The following CSMD1 variants were observed in gnomAD, a reference collection of about 807,000 sequenced individuals.
CSMD1 encodes CUB and sushi domain-containing protein 1.
A neutral mutation model predicts 417.5 loss-of-function variants in CSMD1; 213 were observed. The ratio of observed to expected loss-of-function variants is 0.51; its 90% CI spans 0.46 to 0.57. CSMD1 has a LOEUF of 0.57. Ranked by LOEUF, CSMD1 falls within the 20% of genes least tolerant of loss-of-function variation. The pLI, the probability that CSMD1 is intolerant of heterozygous loss-of-function variation, is 0.00. For missense variants in CSMD1, 6,923 were observed against 4,529.7 expected, an observed-to-expected ratio of 1.53 and a Z score of -15.17; for synonymous variants, 2,862 against 1,736.8, an observed-to-expected ratio of 1.65 and a Z score of -16.11.
chr8:4,523,775 T>A (rs913165090), intron 2 of CSMD1, among the ~76,000 whole-genome samples: 2 of 152,204 alleles, frequency 1.3e-5, no homozygotes, highest in South Asian at 4.1e-4. Context: ...ATAACATAAT[T>A]GTATGCAGAG....
At chr8:3,705,735 A>G (rs1801130859) in intron 7 of CSMD1, among the ~76,000 whole-genome samples, 2 of 152,106 alleles carry the variant, frequency 1.3e-5, no homozygotes, top group Non-Finnish European at 2.9e-5. Context: ...TCTGCAAGAG[A>G]GGTTTGTGTG....
intron 1 of CSMD1, among the ~76,000 whole-genome samples, chr8:4,754,914 G>A (rs1325375423): frequency 6.6e-6 from 1 of 151,922 alleles, no homozygotes; most frequent in African/African-American, 2.4e-5. Context: ...CAAGGTGGGT[G>A]GATCACAAGG....
At chr8:4,118,155 G>A (rs542160525) in intron 3 of CSMD1, among the ~76,000 whole-genome samples, 10 of 152,154 alleles carry the variant, frequency 6.6e-5, no homozygotes, top group African/African-American at 1.9e-4. Flanking sequence ...ACTCTCAGTG[G>A]GAGCAGAGGG....
chr8:4,881,295 G>A (rs1355376167), intron 1 of CSMD1, among the ~76,000 whole-genome samples: 1 of 152,008 alleles, frequency 6.6e-6, no homozygotes, highest in African/African-American at 2.4e-5. Flanking sequence ...CCTCTACAAG[G>A]ATAGTGACAA....
chr8:4,381,362 A>G (rs1377139283), intron 3 of CSMD1, among the ~76,000 whole-genome samples: 1 of 152,116 alleles, frequency 6.6e-6, no homozygotes, highest in Non-Finnish European at 1.5e-5. Context: ...TGGTGACCCT[A>G]TGACCCTGTG....
At chr8:4,607,066 T>C (rs977636147) in intron 2 of CSMD1, among the ~76,000 whole-genome samples, 3 of 152,220 alleles carry the variant, frequency 2.0e-5, no homozygotes, top group African/African-American at 7.2e-5. Flanking sequence ...ATATTATTTT[T>C]ATTCATTCAT....
intron 1 of CSMD1, among the ~76,000 whole-genome samples, chr8:4,839,620 TAAG>T (rs1348854851): frequency 2.0e-5 from 3 of 152,142 alleles, no homozygotes; most frequent in East Asian, 1.9e-4. Context: ...ATACTTCACT[TAAG>T]AAGAACTTGT....
intron 5 of CSMD1, among the ~76,000 whole-genome samples, chr8:3,902,461 T>TC (rs149514639): frequency 5.3e-5 from 8 of 152,138 alleles, no homozygotes; most frequent in African/African-American, 1.7e-4. Context: ...CATTTTTTTT[T>TC]CCATGGACTC....
chr8:3,761,517 T>G (rs943621828), intron 5 of CSMD1, among the ~76,000 whole-genome samples: 1 of 148,498 alleles, frequency 6.7e-6, no homozygotes, highest in African/African-American at 2.5e-5. Flanking sequence ...TTTTTTTTTT[T>G]TTTTTTGAGA....
At chr8:4,476,193 A>T (rs1800794540) in intron 2 of CSMD1, among the ~76,000 whole-genome samples, 1 of 152,168 alleles carries the variant, frequency 6.6e-6, no homozygotes, top group Non-Finnish European at 1.5e-5. Context: ...AGCATAACTG[A>T]TAATTTCTTT....
At chr8:3,267,655 C>T (rs191339540) in intron 26 of CSMD1, among the ~76,000 whole-genome samples, 17 of 152,266 alleles carry the variant, frequency 1.1e-4, no homozygotes, top group Non-Finnish European at 1.2e-4. Flanking sequence ...AGCCAACATA[C>T]AGTGAGGAAG....
chr8:4,880,187 G>C (rs544998245), intron 1 of CSMD1, among the ~76,000 whole-genome samples: 47 of 138,670 alleles, frequency 3.4e-4, no homozygotes, highest in South Asian at 2.6e-3. Flanking sequence ...TCTCTTTCAG[G>C]AGAGAGTTAA....
intron 11 of CSMD1, among the ~76,000 whole-genome samples, chr8:3,489,777 C>T (rs1396116210): frequency 6.6e-6 from 1 of 152,082 alleles, no homozygotes; most frequent in East Asian, 1.9e-4. Flanking sequence ...TAGTTTTAGG[C>T]TATTTCATTT....
chr8:3,288,381 C>T (rs1026644577), intron 25 of CSMD1, among the ~76,000 whole-genome samples: 5 of 147,138 alleles, frequency 3.4e-5, no homozygotes, highest in African/African-American at 5.4e-5. Flanking sequence ...ATGGTACCAG[C>T]TCCTCCTTGT....
chr8:4,442,797 TA>T (rs977053488), intron 2 of CSMD1, among the ~76,000 whole-genome samples: 1 of 152,222 alleles, frequency 6.6e-6, no homozygotes, highest in Non-Finnish European at 1.5e-5. Flanking sequence ...TTACAATTTT[TA>T]AAATTTGATT....
chr8:4,048,548 G>C (rs966130828), intron 3 of CSMD1, among the ~76,000 whole-genome samples: 2 of 152,162 alleles, frequency 1.3e-5, no homozygotes, highest in Non-Finnish European at 2.9e-5. Flanking sequence ...CCAAGTAAAA[G>C]GGAGAGCCAG....
chr8:3,818,904 C>A (rs1205566047), intron 5 of CSMD1, among the ~76,000 whole-genome samples: 8 of 152,146 alleles, frequency 5.3e-5, no homozygotes, highest in African/African-American at 9.7e-5. Context: ...AAAGCAAGAC[C>A]ACCGCACATG....
chr8:3,570,876 C>G (rs1429163141), intron 10 of CSMD1, among the ~76,000 whole-genome samples: 1 of 152,128 alleles, frequency 6.6e-6, no homozygotes, highest in Non-Finnish European at 1.5e-5. Context: ...AAGGTTTAAA[C>G]AATAGGAACT....
chr8:4,787,554 G>T (rs1797470306), intron 1 of CSMD1: 2 of 1,435,638 alleles, frequency 1.4e-6, no homozygotes, highest in Non-Finnish European at 2.0e-6. Flanking sequence ...ACCAGAAAAT[G>T]TGGGGAGACA....
Sources: allele counts gnomAD v4.1 joint callset (sites outside exome capture counted in the v4.1 genomes callset), GRCh38; gene constraint gnomAD v4.1.1; transcripts MANE v1.5; gene names NCBI Gene and HGNC (gene_info 2026-07-23, HGNC 2026-07-21).